The following SPATA21 variants were observed in gnomAD, a reference collection of about 807,000 sequenced individuals.
SPATA21 encodes the protein spermatogenesis associated 21.
Under a neutral mutation model 54.8 loss-of-function variants are expected in SPATA21, and 47 were observed. The observed-to-expected ratio is 0.86, with a 90% CI of 0.68 to 1.09. SPATA21 has a LOEUF of 1.09. SPATA21 is among the 50% of genes least tolerant of loss of function. The pLI is 0.00. For synonymous variants in SPATA21, 245 were observed against 235.3 expected (o/e 1.04, Z -0.38); for missense variants, 599 against 596.4 (o/e 1.00, Z -0.05).
chr1:16,420,921 A>G (rs1330702178), intron 5 of SPATA21, among the ~76,000 whole-genome samples: 2 of 152,146 alleles, frequency 1.3e-5, no homozygotes, highest in African/African-American at 4.8e-5. Context: ...CCCATCAATA[A>G]GACAGGATGT....
chr1:16,424,268 G>A (rs1356078501), intron 3 of SPATA21, among the ~76,000 whole-genome samples: 16 of 50,748 alleles, frequency 3.2e-4, no homozygotes, highest in African/African-American at 9.5e-4. Context: ...AGCCGAGATT[G>A]CGCCACTGCA....
At position 16,421,613 on chromosome 1, in the gene SPATA21, C is replaced by A; in HGVS notation, c.96-56G>T. 2.0e-6 allele frequency: 3 copies of A among 1,538,370 alleles called. No homozygotes were observed. The highest frequency in any genetic ancestry group is 2.3e-5 in the East Asian group (1 of 43,196). ...AAGCGCTCAGCTGAAGGTTTGCCCC[C>A]CTGCCCTCCCCTCTCAGCCCCCAGG... On this transcript the variant is annotated intron_variant, in intron 4 of 12. Coordinates refer to ENST00000335496, the MANE Select transcript of SPATA21 (RefSeq NM_198546.1). The surrounding 1 kb of genome is among the most constrained non-coding windows in gnomAD (Gnocchi z 5.2).
intron 10 of SPATA21, among the ~76,000 whole-genome samples, chr1:16,403,483 CTTTTTTTTCTTTT>C (rs1316375871): frequency 4.3e-5 from 5 of 117,118 alleles, no homozygotes; most frequent in Non-Finnish European, 9.4e-5. Flanking sequence ...TAGTTTTTTT[CTTTTTTTTCTTTT>C]TTTTTTTTTT....
intron 3 of SPATA21, among the ~76,000 whole-genome samples, chr1:16,423,578 C>T (rs1192522813): frequency 2.5e-5 from 3 of 119,266 alleles, no homozygotes; most frequent in African/African-American, 9.7e-5. Context: ...GAGTCTCACT[C>T]TGTTCTCCAG....
At chr1:16,427,798 T>C (rs2086359693) in intron 3 of SPATA21, 5 of 1,480,850 alleles carry the variant, frequency 3.4e-6, no homozygotes, top group South Asian at 1.3e-5. Flanking sequence ...TCTCTCTCTC[T>C]CCCCCGCGGG....
At chr1:16,434,596 C>G (rs752625635) in intron 1 of SPATA21, among the ~76,000 whole-genome samples, 1 of 151,572 alleles carries the variant, frequency 6.6e-6, no homozygotes, top group Non-Finnish European at 1.5e-5. Context: ...ATGCCTGGCC[C>G]GTTTCCACAT....
intron 7 of SPATA21, among the ~76,000 whole-genome samples, chr1:16,406,702 A>T (rs2085652719): frequency 6.6e-6 from 1 of 152,228 alleles, no homozygotes; most frequent in South Asian, 2.1e-4. Flanking sequence ...GGATCATATG[A>T]CTGCATTCCA....
intron 3 of SPATA21, 39 bp from the exon 4 acceptor site, chr1:16,422,010 G>T: frequency 6.2e-7 from 1 of 1,614,128 alleles, no homozygotes; most frequent in Non-Finnish European, 8.5e-7. Flanking sequence ...TGCTTCCTGA[G>T]AGCTGTCCCC....
chr1:16,427,784 CCA>C lies in SPATA21; in HGVS notation c.34+3552_34+3553del, dbSNP rs1009750958. ...GGAGCTGCCTTGGCCTGGGAGTTCT[CCA>C]TTCTCTCTCTCTCCCCCGCGGGTGG... On this transcript the variant is annotated intron_variant, in intron 3 of 12. Transcript: ENST00000335496. The C allele has an allele frequency of 4.1e-6, 6 of 1,448,960 alleles. No individual in the cohort carries two copies. In the Admixed American group the frequency reaches 1.3e-4, roughly 33 times the overall value. 89.8% of individuals were successfully genotyped at this position (1,448,960 alleles called of 1,614,324 possible). A position where few individuals can be genotyped will look rare whatever the true frequency, so the allele number is the denominator to read the frequency against.
chr1:16,399,872 C>T (rs1422671184), intron 11 of SPATA21, among the ~76,000 whole-genome samples: 1 of 152,106 alleles, frequency 6.6e-6, no homozygotes, highest in Non-Finnish European at 1.5e-5. Flanking sequence ...TTACTTGGCA[C>T]ATAGTAGGAG....
Position 16,421,615 on chromosome 1 carries a change from T to G in SPATA21, c.96-58A>C. ...GCGCTCAGCTGAAGGTTTGCCCCCC[T>G]GCCCTCCCCTCTCAGCCCCCAGGAC... On this transcript the variant is annotated intron_variant, in intron 4 of 12. Transcript: ENST00000335496. This position sits in a 1 kb window ranked among gnomAD's most constrained non-coding sequence, Gnocchi z 5.2. The G allele has an allele frequency of 6.5e-7, 1 of 1,533,846 alleles. No homozygotes were observed. Among genetic ancestry groups the G allele is most frequent in the Non-Finnish European group, 8.9e-7 (1 of 1,125,832 alleles).
chr1:16,408,599 G>A (rs904903591), intron 7 of SPATA21: 63 of 920,756 alleles, frequency 6.8e-5, no homozygotes, highest in African/African-American at 2.0e-4. Flanking sequence ...GAGGCTGGGC[G>A]CGGTGGCTCA....
intron 3 of SPATA21, among the ~76,000 whole-genome samples, chr1:16,427,401 T>C (rs2086351337): frequency 6.6e-6 from 1 of 152,150 alleles, no homozygotes; most frequent in African/African-American, 2.4e-5. Context: ...TTTGCCTCTA[T>C]CTGGCTCGCT....
chr1:16,402,584 T>C (rs1355795813), intron 10 of SPATA21, among the ~76,000 whole-genome samples: 2 of 148,256 alleles, frequency 1.3e-5, no homozygotes, highest in Non-Finnish European at 3.0e-5. Context: ...AGAGATGGAC[T>C]TTCGTTCTGT....
intron 5 of SPATA21, among the ~76,000 whole-genome samples, chr1:16,417,250 CCTTT>C (rs2086035310): frequency 6.6e-6 from 1 of 151,928 alleles, no homozygotes; most frequent in African/African-American, 2.4e-5. Flanking sequence ...GCCTGGCTGC[CCTTT>C]CTTTTCTTTG....
rs373721752 is a variant in SPATA21, at chr1:16,433,162, C to G, written c.-186-238G>C. Reference sequence around the variant, plus strand: ...ACAACGTCAGGCCTTAGGGGATACACTGGGTGTCCTGACGGTTCCCACAGT... The same window carrying G: ...ACAACGTCAGGCCTTAGGGGATACAGTGGGTGTCCTGACGGTTCCCACAGT... On this transcript the variant is annotated intron_variant, in intron 1 of 12. Transcript: ENST00000335496. Among the ~76,000 whole-genome samples the G allele has an allele frequency of 5.9e-5, 9 of 152,382 alleles. No homozygotes were observed. The East Asian group carries it at 1.5e-3, about 26-fold the overall frequency.
chr1:16,430,919 G>A (rs575898873), intron 3 of SPATA21, among the ~76,000 whole-genome samples: 1 of 152,218 alleles, frequency 6.6e-6, no homozygotes, highest in African/African-American at 2.4e-5. Context: ...TGTAAGATGG[G>A]AAGATGTAAT....
chr1:16,398,504 G>A, downstream of SPATA21: 1 of 491,312 alleles, frequency 2.0e-6, no homozygotes, highest in Non-Finnish European at 3.7e-6. Flanking sequence ...AGGCACAGAA[G>A]GTCAAGACTG....
In SPATA21 at chr1:16,400,810, G is replaced by GCTT. The variant is rs139527123; in HGVS notation, c.1081_1083dup (p.Lys361dup). On this transcript the variant is annotated inframe_insertion, in exon 11 of 13. Transcript: ENST00000335496. ...TCTTCTTGCTGGGGGTTGTAGGGAAGCTTCTGCAACCGCAGCCGGCCTACG... is the reference window on the plus strand; with the variant it reads ...TCTTCTTGCTGGGGGTTGTAGGGAAGCTTCTTCTGCAACCGCAGCCGGCCTACG... 192,042 of 1,614,040 alleles carry GCTT rather than the reference G, an allele frequency of 0.12. 12,750 individuals carry two copies. The highest frequency in any genetic ancestry group is 0.21 in the African/African-American group (16,044 of 74,988).
Sources: allele counts gnomAD v4.1 joint callset (sites outside exome capture counted in the v4.1 genomes callset), GRCh38; gene constraint gnomAD v4.1.1; non-coding constraint Gnocchi (gnomAD v3.1); transcripts MANE v1.5; gene names NCBI Gene and HGNC (gene_info 2026-07-23, HGNC 2026-07-21).